Variants in MMP16 observed in about 807,000 individuals in gnomAD.
MMP16 encodes the protein matrix metallopeptidase 16.
A neutral mutation model predicts 67.8 loss-of-function variants in MMP16; 12 were observed. The observed-to-expected ratio is 0.18, with a 90% CI of 0.11 to 0.29. The LOEUF is 0.29. Among genes scored for constraint, MMP16 ranks in the 10% least tolerant of loss-of-function variants. The pLI, the probability that MMP16 is intolerant of heterozygous loss-of-function variation, is 1.00. For synonymous variants in MMP16, 249 were observed against 255.9 expected, an observed-to-expected ratio of 0.97 and a Z score of 0.26; for missense variants, 475 against 765.7, an observed-to-expected ratio of 0.62 and a Z score of 4.48.
At chr8:88,079,118 C>T (rs1808702702) in intron 6 of MMP16, among the ~76,000 whole-genome samples, 1 of 152,122 alleles carries the variant, frequency 6.6e-6, no homozygotes, top group Admixed American at 6.5e-5. Context: ...CATATTGCTC[C>T]AGTTATATCA....
intron 7 of MMP16, among the ~76,000 whole-genome samples, chr8:88,064,768 T>A (rs1808442845): frequency 6.6e-6 from 1 of 152,096 alleles, no homozygotes; most frequent in Non-Finnish European, 1.5e-5. Context: ...TATAGATAGG[T>A]TGCTCAGGAA....
intron 3 of MMP16, among the ~76,000 whole-genome samples, chr8:88,185,613 C>G (rs1809060820): frequency 6.6e-6 from 1 of 152,134 alleles, no homozygotes; most frequent in Non-Finnish European, 1.5e-5. Flanking sequence ...TTCACATAAT[C>G]TGACAGATGA....
chr8:88,045,331 G>A lies in MMP16; in HGVS notation c.1489+1338C>T, dbSNP rs888563046. Among the ~76,000 whole-genome samples, 6 of 151,798 alleles carry A rather than the reference G, an allele frequency of 4.0e-5. No homozygotes were observed. The South Asian group carries it at 8.3e-4, about 21-fold the overall frequency. ...TCCTTCAAGTTTATACTAGTATAGA[G>A]TTTTCTTTTTCTTTCTTTCTTTTTC... is the stretch of plus-strand genomic sequence containing the variant. On this transcript the variant is annotated intron_variant, in intron 9 of 9. Transcript: ENST00000286614.
intron 3 of MMP16, among the ~76,000 whole-genome samples, chr8:88,170,554 A>G (rs1808783015): frequency 2.0e-5 from 3 of 152,332 alleles, no homozygotes; most frequent in East Asian, 1.9e-4. Flanking sequence ...AACTTACTAC[A>G]TAATTGGCAC....
chr8:88,064,140 G>C (rs1345343460), intron 7 of MMP16, among the ~76,000 whole-genome samples: 1 of 152,016 alleles, frequency 6.6e-6, no homozygotes, highest in Non-Finnish European at 1.5e-5. Context: ...CTTTTACCTT[G>C]CAATGAAAGA....
intron 7 of MMP16, among the ~76,000 whole-genome samples, chr8:88,071,562 A>G (rs1808555569): frequency 6.6e-6 from 1 of 152,198 alleles, no homozygotes; most frequent in Non-Finnish European, 1.5e-5. Context: ...AAAGAGGCTA[A>G]ATAAAAGAGC....
intron 5 of MMP16, among the ~76,000 whole-genome samples, chr8:88,117,464 A>G (rs28907638): frequency 3.4e-4 from 52 of 152,260 alleles, no homozygotes; most frequent in African/African-American, 1.2e-3. Flanking sequence ...TGCACTTAAT[A>G]TTTAGGTATG....
At chr8:88,163,194 C>T (rs1373363191) in intron 4 of MMP16, among the ~76,000 whole-genome samples, 1 of 152,058 alleles carries the variant, frequency 6.6e-6, no homozygotes, top group East Asian at 1.9e-4. Context: ...AGAAAGCTAA[C>T]TCTCCAAGGT....
At chr8:88,214,764 T>C (rs1340647669) in intron 1 of MMP16, among the ~76,000 whole-genome samples, 1 of 152,192 alleles carries the variant, frequency 6.6e-6, no homozygotes, top group Non-Finnish European at 1.5e-5. Flanking sequence ...AAACGTTGTG[T>C]CCTCTGACAA....
intron 6 of MMP16, among the ~76,000 whole-genome samples, chr8:88,089,531 T>A (rs1025403854): frequency 6.6e-6 from 1 of 151,844 alleles, no homozygotes; most frequent in East Asian, 1.9e-4. Flanking sequence ...AACAGCTTGA[T>A]GGGGCATCCA....
chr8:88,174,599 C>T (rs1170363160), intron 3 of MMP16, among the ~76,000 whole-genome samples: 1 of 152,084 alleles, frequency 6.6e-6, no homozygotes, highest in Non-Finnish European at 1.5e-5. Flanking sequence ...ATTTTCCAAT[C>T]ATTTAAAACA....
chr8:88,182,375 A>G (rs1808994652), intron 3 of MMP16, among the ~76,000 whole-genome samples: 1 of 152,160 alleles, frequency 6.6e-6, no homozygotes, highest in Admixed American at 6.5e-5. Flanking sequence ...AAATAAGCAT[A>G]TGAAAAGTTG....
In MMP16 at chr8:88,273,248, C is replaced by CAT. The variant is rs1554590570; in HGVS notation, c.132+53826_132+53827insAT. Among the ~76,000 whole-genome samples, 895 of 132,312 alleles carry CAT rather than the reference C, an allele frequency of 6.8e-3. 8 individuals are homozygous for CAT. Among genetic ancestry groups the CAT allele is most frequent in the African/African-American group, 0.023 (849 of 36,172 alleles). The allele number at this position is 132,312 out of a possible 152,430, so 86.8% of individuals were successfully genotyped here. ...TACAGGCACGTGCCACCATGCCTGG[C>CAT]TTTTTTTTTTTTTTTGTATTTTTAG... On this transcript the variant is annotated intron_variant, in intron 1 of 9. Coordinates refer to ENST00000286614, the MANE Select transcript of MMP16 (RefSeq NM_005941.5).
At chr8:88,291,768 G>T (rs1810929186) in intron 1 of MMP16, among the ~76,000 whole-genome samples, 2 of 152,136 alleles carry the variant, frequency 1.3e-5, no homozygotes, top group African/African-American at 4.8e-5. Context: ...TTAATATTTA[G>T]GGTAAATCGA....
intron 1 of MMP16, among the ~76,000 whole-genome samples, chr8:88,274,579 C>T (rs188052139): frequency 1.3e-5 from 2 of 151,920 alleles, no homozygotes; most frequent in Non-Finnish European, 1.5e-5. Flanking sequence ...TGAAGGAACA[C>T]CTGCTTGAAT....
intron 1 of MMP16, among the ~76,000 whole-genome samples, chr8:88,251,139 G>T (rs1359134409): frequency 6.6e-6 from 1 of 151,814 alleles, no homozygotes; most frequent in African/African-American, 2.4e-5. Flanking sequence ...AGTATTCCAT[G>T]GTGTATATGT....
chr8:88,120,375 C>T (rs543871751), intron 4 of MMP16, among the ~76,000 whole-genome samples: 1 of 151,946 alleles, frequency 6.6e-6, no homozygotes, highest in African/African-American at 2.4e-5. Flanking sequence ...AATCCCAATG[C>T]TAAAATGAAC....
intron 6 of MMP16, among the ~76,000 whole-genome samples, chr8:88,111,235 C>G (rs926012022): frequency 1.3e-4 from 19 of 151,676 alleles, no homozygotes; most frequent in Admixed American, 5.3e-4. Context: ...TATGGGGTTA[C>G]AAGATGCCAA....
chr8:88,084,403 C>T (rs745789460), intron 6 of MMP16, among the ~76,000 whole-genome samples: 11 of 151,312 alleles, frequency 7.3e-5, no homozygotes, highest in Non-Finnish European at 1.2e-4. Flanking sequence ...CAAACACATC[C>T]TAAAATGTGA....
Sources: allele counts gnomAD v4.1 joint callset (sites outside exome capture counted in the v4.1 genomes callset), GRCh38; gene constraint gnomAD v4.1.1; transcripts MANE v1.5; gene names NCBI Gene and HGNC (gene_info 2026-07-23, HGNC 2026-07-21).